The following KIAA1217 variants were observed in gnomAD, a reference collection of about 807,000 sequenced individuals.
KIAA1217 encodes the protein sickle tail protein homolog.
A neutral mutation model predicts 163.9 loss-of-function variants in KIAA1217; 88 were observed. The observed-to-expected ratio is 0.54, with a 90% CI of 0.45 to 0.64. KIAA1217 has a LOEUF of 0.64. KIAA1217 is among the 30% of genes least tolerant of loss of function. The pLI is 0.00. For synonymous variants in KIAA1217, 903 were observed against 923.1 expected, an observed-to-expected ratio of 0.98 and a Z score of 0.39; for missense variants, 2,372 against 2,475.0, an observed-to-expected ratio of 0.96 and a Z score of 0.88.
At chr10:24,062,912 TG>T (rs778032732) in intron 2 of KIAA1217, among the ~76,000 whole-genome samples, 4 of 134,108 alleles carry the variant, frequency 3.0e-5, no homozygotes, top group Admixed American at 1.3e-4. Context: ...TTTTTTCATG[TG>T]TTTTTTTGGC....
intron 2 of KIAA1217, among the ~76,000 whole-genome samples, chr10:24,051,359 A>G (rs1016799838): frequency 3.9e-5 from 6 of 152,166 alleles, no homozygotes; most frequent in East Asian, 1.9e-4. Flanking sequence ...TTGTGCTGCT[A>G]TAAACATCCA....
intron 1 of KIAA1217, among the ~76,000 whole-genome samples, chr10:24,215,810 G>A (rs991685034): frequency 6.6e-6 from 1 of 152,182 alleles, no homozygotes; most frequent in East Asian, 1.9e-4. Flanking sequence ...CTGGTGACAG[G>A]AGAGCAGGTG....
chr10:23,985,956 G>C (rs148119707), intron 1 of KIAA1217, among the ~76,000 whole-genome samples: 32 of 152,272 alleles, frequency 2.1e-4, no homozygotes, highest in African/African-American at 7.7e-4. Context: ...CTACTGCCTT[G>C]TGCGTCCCAT....
chr10:24,219,634 A>G lies in KIAA1217; in HGVS notation c.79A>G (p.Lys27Glu), dbSNP rs948336202. The G allele has an allele frequency of 7.5e-6, 12 of 1,596,368 alleles. No homozygotes were observed. The African/African-American group carries it at 1.6e-4, about 21-fold the overall frequency. ...ADRRQMQEQG[K>E]GNLHVTSPED... is the part of the protein sequence containing the mutation. The stretch of plus-strand genomic sequence containing the variant: ...ATTTTTTTGTCTTTCAGAACAAGGC[A>G]AAGGCAATCTGCATGTAACATCACC... The change falls in exon 2 of 21, where the codon AAA (lysine) becomes GAA (glutamate). Residue 27 changes from lysine (K) to glutamate (E), a missense_variant. By Grantham distance (56) the Lys-to-Glu change is moderately conservative. Around this residue, in one of 3 missense-constraint regions of KIAA1217, gnomAD observed 1,431 missense variants for 1,470.3 expected, o/e 0.97. Coordinates refer to ENST00000376454, the MANE Select transcript of KIAA1217 (RefSeq NM_019590.5).
At chr10:23,766,901 C>T (rs149805056) in intron 1 of KIAA1217, among the ~76,000 whole-genome samples, 3,132 of 152,300 alleles carry the variant, frequency 0.021, 55 homozygotes, top group Middle Eastern at 0.034. Flanking sequence ...TGGAACATGA[C>T]ATTCTTATTC....
At chr10:24,377,641 C>A (rs1433744247) in intron 2 of KIAA1217, among the ~76,000 whole-genome samples, 1 of 152,040 alleles carries the variant, frequency 6.6e-6, no homozygotes, top group Non-Finnish European at 1.5e-5. Context: ...ATGCCTCTTA[C>A]TTTGCAAAAT....
At chr10:23,721,382 C>T (rs1225434250) in intron 1 of KIAA1217, among the ~76,000 whole-genome samples, 3 of 152,160 alleles carry the variant, frequency 2.0e-5, no homozygotes, top group Admixed American at 1.3e-4. Context: ...CTCTGATGGA[C>T]CCCACGCATT....
intron 1 of KIAA1217, among the ~76,000 whole-genome samples, chr10:23,942,503 T>C (rs910722404): frequency 6.6e-6 from 1 of 152,186 alleles, no homozygotes; most frequent in African/African-American, 2.4e-5. Flanking sequence ...TTATGAAAAG[T>C]AGAGTTAACA....
chr10:24,496,215 T>C (rs1277220819), intron 8 of KIAA1217, among the ~76,000 whole-genome samples: 1 of 152,240 alleles, frequency 6.6e-6, no homozygotes. Flanking sequence ...GAGCACAATT[T>C]AGCTACAAAG....
At chr10:23,735,410 A>G (rs1838738793) in intron 1 of KIAA1217, among the ~76,000 whole-genome samples, 2 of 152,080 alleles carry the variant, frequency 1.3e-5, no homozygotes, top group African/African-American at 4.8e-5. Context: ...CCAGCAGTGT[A>G]TAAGAATTTC....
intron 1 of KIAA1217, among the ~76,000 whole-genome samples, chr10:23,788,225 C>A (rs1336984629): frequency 6.6e-6 from 1 of 152,114 alleles, no homozygotes; most frequent in Non-Finnish European, 1.5e-5. Context: ...TAACAAAAAC[C>A]AAACCATAAC....
At chr10:23,976,454 T>C (rs1845545219) in intron 1 of KIAA1217, among the ~76,000 whole-genome samples, 1 of 152,160 alleles carries the variant, frequency 6.6e-6, no homozygotes, top group Non-Finnish European at 1.5e-5. Context: ...CACAGGCACA[T>C]CTTCTATTTA....
At chr10:23,822,040 G>A (rs1011118418) in intron 1 of KIAA1217, among the ~76,000 whole-genome samples, 1 of 152,136 alleles carries the variant, frequency 6.6e-6, no homozygotes, top group Non-Finnish European at 1.5e-5. Flanking sequence ...TAGACAATAA[G>A]TAAGAGCGGG....
intron 2 of KIAA1217, among the ~76,000 whole-genome samples, chr10:24,335,978 C>A (rs888924657): frequency 6.6e-6 from 1 of 152,214 alleles, no homozygotes; most frequent in Non-Finnish European, 1.5e-5. Flanking sequence ...CAGTGGCTCA[C>A]GCCTGTAATC....
chr10:23,821,582 A>G (rs533596578), intron 1 of KIAA1217, among the ~76,000 whole-genome samples: 1 of 152,320 alleles, frequency 6.6e-6, no homozygotes, highest in Admixed American at 6.5e-5. Flanking sequence ...CCCTTCTTTT[A>G]ATAGCCAGTT....
At chr10:23,772,477 A>C (rs997987980) in intron 1 of KIAA1217, among the ~76,000 whole-genome samples, 7 of 152,182 alleles carry the variant, frequency 4.6e-5, no homozygotes, top group African/African-American at 1.4e-4. Context: ...ACAACAACAA[A>C]AAAAGATCAG....
At chr10:24,508,608 T>G (rs1351966043) in intron 9 of KIAA1217, among the ~76,000 whole-genome samples, 1 of 152,178 alleles carries the variant, frequency 6.6e-6, no homozygotes, top group Non-Finnish European at 1.5e-5. Flanking sequence ...CTACAAAACA[T>G]GCTACTAGAA....
At chr10:24,447,695 C>T (rs1405295128) in intron 5 of KIAA1217, among the ~76,000 whole-genome samples, 1 of 152,158 alleles carries the variant, frequency 6.6e-6, no homozygotes, top group African/African-American at 2.4e-5. Flanking sequence ...GCCTTATCTA[C>T]TAAGAGCGAT....
intron 17 of KIAA1217, among the ~76,000 whole-genome samples, chr10:24,537,592 AG>A (rs143994675): frequency 0.021 from 3,148 of 149,834 alleles, 65 homozygotes; most frequent in East Asian, 0.12. Context: ...AAAAAAAAAA[AG>A]TAAAAACCTT....
Sources: allele counts gnomAD v4.1 joint callset (sites outside exome capture counted in the v4.1 genomes callset), GRCh38; gene constraint gnomAD v4.1.1; regional missense constraint gnomAD v4.1.1; transcripts MANE v1.5; gene names NCBI Gene and HGNC (gene_info 2026-07-23, HGNC 2026-07-21).